The following AKAP8L variants were observed in gnomAD, a reference collection of about 807,000 sequenced individuals.
AKAP8L encodes the protein A-kinase anchoring protein 8 like, also known as A-kinase anchor protein 8-like.
Under a neutral mutation model 77.5 loss-of-function variants are expected in AKAP8L, and 34 were observed. That is an observed-to-expected ratio of 0.44 (90% confidence interval 0.33 to 0.58). The LOEUF (loss-of-function observed/expected upper bound fraction) is 0.58. Ranked by LOEUF, AKAP8L falls within the 20% of genes least tolerant of loss-of-function variation. AKAP8L has a pLI of 0.02. For synonymous variants in AKAP8L, 342 were observed against 340.7 expected, an observed-to-expected ratio of 1.00 and a Z score of -0.04; for missense variants, 806 against 887.6, an observed-to-expected ratio of 0.91 and a Z score of 1.17.
chr19:15,403,573 G>T lies in AKAP8L; in HGVS notation c.264C>A (p.Ala88=), dbSNP rs762901365. 4.3e-6 allele frequency: 7 copies of T among 1,613,840 alleles called. No individual in the cohort carries two copies. The African/African-American group carries it at 8.0e-5, about 18-fold the overall frequency. ...GGTTAATTCTGGATAAAACGGAATC[G>T]GCACTGGCGCTACCCGAGGCACTAG... is the stretch of plus-strand genomic sequence containing the variant. The part of the protein sequence containing the change: ...ANTSASGSAS[A]DSVLSRINQR... Residue 88 remains alanine, a synonymous_variant, in exon 4 of 14, where the codon GCC becomes GCA. Transcript: ENST00000397410. This position sits in a 1 kb window ranked among gnomAD's most constrained non-coding sequence, Gnocchi z 4.3.
chr19:15,392,896 C>CAAAAAAAAGAAAAA, intron 12 of AKAP8L, among the ~76,000 whole-genome samples: 1 of 43,122 alleles, frequency 2.3e-5, no homozygotes, highest in South Asian at 1.1e-3. Context: ...AACTCTGTCT[C>CAAAAAAAAGAAAAA]AAAAAAAAAA....
chr19:15,387,506 T>TC lies in AKAP8L; in HGVS notation c.1537-6895dup, dbSNP rs1326563324. ...ACTGATAGCTTTGTCCTTTTTTTTT[T>TC]CCCCCACCACACAGCCATAAAAAAG... On this transcript the variant is annotated intron_variant, in intron 12 of 13. Transcript: ENST00000397410. 7.9e-5 allele frequency among the ~76,000 whole-genome samples: 12 copies of TC among 151,636 alleles called. No homozygotes were observed. In the East Asian group the frequency reaches 2.1e-3, roughly 27 times the overall value.
chr19:15,397,052 GTCCC>G lies in AKAP8L; in HGVS notation c.1536+94_1536+97del. 6.5e-7 allele frequency: 1 copy of G among 1,527,762 alleles called. No homozygotes were observed. 94.6% of individuals were successfully genotyped at this position (1,527,762 alleles called of 1,614,324 possible). On this transcript the variant is annotated intron_variant, in intron 12 of 13. Transcript: ENST00000397410. This position sits in a 1 kb window ranked among gnomAD's most constrained non-coding sequence, Gnocchi z 4.7. Reference sequence around the variant, plus strand: ...TCCACCTCCTCCTGCCTCCACTGCAGTCCCTCACGGGCTGGCAGAGGTTCCAACT... The same window carrying G: ...TCCACCTCCTCCTGCCTCCACTGCAGTCACGGGCTGGCAGAGGTTCCAACT...
intron 12 of AKAP8L, among the ~76,000 whole-genome samples, chr19:15,390,880 A>AAAACACTTAACAGG (rs1336398725): frequency 9.9e-5 from 15 of 152,234 alleles, no homozygotes; most frequent in South Asian, 2.1e-4. Context: ...ATTTTAAGAT[A>AAAACACTTAACAGG]AAACACTTAA....
Position 15,399,844 on chromosome 19 carries a change from A to C in AKAP8L, c.1049-434T>G. 1 of 308,406 alleles carries C rather than the reference A, an allele frequency of 3.2e-6. No individual in the cohort carries two copies. The highest frequency in any genetic ancestry group is 6.2e-6 in the Non-Finnish European group (1 of 162,154). The allele number at this position is 308,406 out of a possible 1,614,324, so 19.1% of individuals were successfully genotyped here. A position where few individuals can be genotyped will look rare whatever the true frequency, so the allele number is the denominator to read the frequency against. On this transcript the variant is annotated intron_variant, in intron 8 of 13. Transcript: ENST00000397410. The surrounding 1 kb of genome is among the most constrained non-coding windows in gnomAD (Gnocchi z 6.1). ...TGCTGTTAGGTACCTGCTGGCGCTCATCACTCAGGTGGGGGGACACGGAAT... is the reference window on the plus strand; with the variant it reads ...TGCTGTTAGGTACCTGCTGGCGCTCCTCACTCAGGTGGGGGGACACGGAAT...
At chr19:15,412,701 C>T (rs545859296) in intron 1 of AKAP8L, among the ~76,000 whole-genome samples, 123 of 152,142 alleles carry the variant, frequency 8.1e-4, no homozygotes, top group Non-Finnish European at 1.5e-3. Flanking sequence ...GCCACCATGT[C>T]CGGCTGATTT....
rs1164061405 is a variant in AKAP8L at position 15,399,344 on chromosome 19, T to C, written c.1115A>G (p.Gln372Arg). ...TCGCTGCCGCTTTTTCTGCTTGTCC[T>C]GACTCTTCTTGCCTGCCTGCAACTT... ...KRKLQAGKKS[Q>R]DKQKKRQRDR... Residue 372 changes from glutamine to arginine, a missense_variant, in exon 9 of 14, where the codon CAG becomes CGG. Around this residue, in one of 2 missense-constraint regions of AKAP8L, gnomAD observed 580 missense variants for 694.1 expected, o/e 0.84. Coordinates refer to ENST00000397410, the MANE Select transcript of AKAP8L (RefSeq NM_014371.4). This position sits in a 1 kb window ranked among gnomAD's most constrained non-coding sequence, Gnocchi z 6.1. 5.6e-6 allele frequency: 9 copies of C among 1,613,934 alleles called. No homozygotes were observed. The highest frequency in any genetic ancestry group is 7.6e-6 in the Non-Finnish European group (9 of 1,179,854).
intron 2 of AKAP8L, among the ~76,000 whole-genome samples, chr19:15,409,505 C>A (rs753699510): frequency 1.3e-5 from 2 of 152,098 alleles, no homozygotes; most frequent in South Asian, 2.1e-4. Flanking sequence ...ATGCAGTGAC[C>A]CCTGAAGGCA....
intron 2 of AKAP8L, among the ~76,000 whole-genome samples, chr19:15,409,102 A>G (rs943873202): frequency 4.7e-4 from 72 of 152,304 alleles, no homozygotes; most frequent in African/African-American, 1.6e-3. Context: ...TTTCTTAGAT[A>G]TAAAAGCAAA....
intron 12 of AKAP8L, among the ~76,000 whole-genome samples, chr19:15,394,761 T>C (rs1967734301): frequency 6.6e-6 from 1 of 152,158 alleles, no homozygotes; most frequent in Admixed American, 6.5e-5. Context: ...AGTATGTGAT[T>C]CTATCTCAGT....
At position 15,397,274 on chromosome 19, in the gene AKAP8L, G is replaced by A; in HGVS notation, c.1412C>T (p.Ala471Val). 6.2e-7 allele frequency: 1 copy of A among 1,613,910 alleles called. No homozygotes were observed. The highest frequency in any genetic ancestry group is 8.5e-7 in the Non-Finnish European group (1 of 1,179,882). Reference protein sequence around the residue: ...YRDQDLTQEIAMEHFVKKVEA... With the variant: ...YRDQDLTQEIVMEHFVKKVEA... ...CACCTTCTTCACAAAATGCTCCATGGCAATTTCTGTAGTGGGGAGGAGGGA... is the reference window on the plus strand; with the variant it reads ...CACCTTCTTCACAAAATGCTCCATGACAATTTCTGTAGTGGGGAGGAGGGA... The change falls in exon 12 of 14, where the codon GCC becomes GTC. Residue 471 changes from alanine (A) to valine (V), a missense_variant. This residue lies in a region of AKAP8L where 580 missense variants were observed against 694.1 expected (regional missense o/e 0.84). Transcript: ENST00000397410. This position sits in a 1 kb window ranked among gnomAD's most constrained non-coding sequence, Gnocchi z 4.7.
Position 15,397,419 on chromosome 19 carries a change from A to G in AKAP8L, c.1405+101T>C. On this transcript the variant is annotated intron_variant, in intron 11 of 13. Transcript: ENST00000397410. This position sits in a 1 kb window ranked among gnomAD's most constrained non-coding sequence, Gnocchi z 4.7. Reference sequence around the variant, plus strand: ...GGCCTGAGCCAAGGCTGGTCTCCTGACCTTCCCTGGGGGAACAGAAGGGTG... The same window carrying G: ...GGCCTGAGCCAAGGCTGGTCTCCTGGCCTTCCCTGGGGGAACAGAAGGGTG... 1 of 1,484,932 alleles carries G rather than the reference A, an allele frequency of 6.7e-7. No individual in the cohort carries two copies. Among genetic ancestry groups the G allele is most frequent in the Middle Eastern group, 2.2e-4 (1 of 4,470 alleles). 92.0% of individuals were successfully genotyped at this position (1,484,932 alleles called of 1,614,324 possible).
In AKAP8L at chr19:15,397,353, C is replaced by T. The variant is rs1308188957; in HGVS notation, c.1406-73G>A. 1.9e-6 allele frequency: 3 copies of T among 1,574,594 alleles called. No individual in the cohort carries two copies. The African/African-American group carries it at 4.1e-5, about 21-fold the overall frequency. ...AGACCCAGGTGTTCGAGAAAAAAAC[C>T]ACACCAGCTCCTCCTCAACTCGCCC... On this transcript the variant is annotated intron_variant, in intron 11 of 13. Coordinates refer to ENST00000397410, the MANE Select transcript of AKAP8L (RefSeq NM_014371.4). The surrounding 1 kb of genome is among the most constrained non-coding windows in gnomAD (Gnocchi z 4.7).
At chr19:15,417,262 T>C (rs1968223221) in intron 1 of AKAP8L, among the ~76,000 whole-genome samples, 1 of 152,210 alleles carries the variant, frequency 6.6e-6, no homozygotes, top group Non-Finnish European at 1.5e-5. Flanking sequence ...CATGAAACTG[T>C]CTTCCAGTTC....
At chr19:15,406,482 T>A (rs1968004515) in intron 2 of AKAP8L, among the ~76,000 whole-genome samples, 1 of 151,492 alleles carries the variant, frequency 6.6e-6, no homozygotes, top group South Asian at 2.1e-4. Flanking sequence ...CATATATATT[T>A]TTGAGATAGA....
At chr19:15,394,185 TA>T (rs1375933070) in intron 12 of AKAP8L, among the ~76,000 whole-genome samples, 1 of 152,018 alleles carries the variant, frequency 6.6e-6, no homozygotes, top group Non-Finnish European at 1.5e-5. Flanking sequence ...CCCAAAAAGA[TA>T]AATAAACAAA....
intron 2 of AKAP8L, among the ~76,000 whole-genome samples, chr19:15,406,362 G>GGAGAGAGAGAGA (rs3040938): frequency 0.02 from 1,775 of 89,202 alleles, 62 homozygotes; most frequent in African/African-American, 0.04. Context: ...GAAATTTTAA[G>GGAGAGAGAGAGA]GAGAGAGAGA....
chr19:15,395,418 C>T (rs1967749634), intron 12 of AKAP8L, among the ~76,000 whole-genome samples: 1 of 151,950 alleles, frequency 6.6e-6, no homozygotes, highest in Admixed American at 6.6e-5. Flanking sequence ...TGGGTTCAAG[C>T]GATTCTTCTG....
intron 1 of AKAP8L, among the ~76,000 whole-genome samples, chr19:15,414,245 C>T (rs1382913736): frequency 1.3e-5 from 2 of 151,392 alleles, no homozygotes; most frequent in African/African-American, 4.9e-5. Flanking sequence ...TTAGTAGAGA[C>T]GGGTTTTCTC....
Sources: gnomAD v4.1 joint callset for allele counts (sites outside exome capture counted in the v4.1 genomes callset) on GRCh38, gnomAD v4.1.1 for gene constraint, gnomAD v4.1.1 regional missense constraint, Gnocchi (gnomAD v3.1) non-coding constraint, MANE v1.5 for transcripts, NCBI Gene and HGNC (gene_info 2026-07-23, HGNC 2026-07-21) for gene names.